Variants in SUGCT observed in about 807,000 individuals in gnomAD.
The protein encoded by SUGCT is succinyl-CoA:glutarate CoA-transferase.
SUGCT carries 41 observed loss-of-function variants against 55.0 expected under a neutral mutation model. That is an observed-to-expected ratio of 0.74 (90% CI 0.58 to 0.97). The LOEUF is 0.97. Among genes scored for constraint, SUGCT ranks in the 50% least tolerant of loss-of-function variants. SUGCT has a pLI of 0.00. For missense variants in SUGCT, 568 were observed against 547.8 expected, an observed-to-expected ratio of 1.04 and a Z score of -0.37; for synonymous variants, 187 against 200.4, an observed-to-expected ratio of 0.93 and a Z score of 0.56.
At chr7:40,363,830 C>A (rs548358141) in intron 9 of SUGCT, among the ~76,000 whole-genome samples, 1 of 151,926 alleles carries the variant, frequency 6.6e-6, no homozygotes, top group African/African-American at 2.4e-5. Context: ...CTATTAGGTC[C>A]GCTTGGTGCA....
At chr7:40,178,377 A>G (rs1785025285) in intron 1 of SUGCT, among the ~76,000 whole-genome samples, 1 of 152,116 alleles carries the variant, frequency 6.6e-6, no homozygotes, top group Admixed American at 6.5e-5. Context: ...GTAATTTTCT[A>G]AATTTCTAGA....
intron 12 of SUGCT, among the ~76,000 whole-genome samples, chr7:40,541,630 G>A (rs1237860768): frequency 1.3e-5 from 2 of 152,156 alleles, no homozygotes; most frequent in Non-Finnish European, 2.9e-5. Flanking sequence ...TAATATAAAT[G>A]AGAATGAATG....
At chr7:40,750,100 A>G (rs1015256626) in intron 13 of SUGCT, among the ~76,000 whole-genome samples, 8 of 152,182 alleles carry the variant, frequency 5.3e-5, no homozygotes, top group African/African-American at 1.9e-4. Flanking sequence ...GGGAGCTCTT[A>G]TTTCAGCAGC....
chr7:40,422,425 C>T (rs932832296), intron 9 of SUGCT, among the ~76,000 whole-genome samples: 2 of 152,122 alleles, frequency 1.3e-5, no homozygotes, highest in African/African-American at 2.4e-5. Context: ...TTTTCTTGGT[C>T]GTTTTACAAT....
the SUGCT span, among the ~76,000 whole-genome samples, chr7:40,970,731 G>A: frequency 2.0e-5 from 3 of 152,156 alleles, no homozygotes; most frequent in African/African-American, 7.2e-5. Flanking sequence ...CCTTCTTGGA[G>A]GATCTGAATC....
the SUGCT span, among the ~76,000 whole-genome samples, chr7:40,996,973 A>G: frequency 1.3e-5 from 2 of 152,194 alleles, no homozygotes; most frequent in East Asian, 3.9e-4. Context: ...AACTGAAGCG[A>G]AGGAGACAGG....
chr7:40,529,145 C>T (rs1793956218), intron 12 of SUGCT, among the ~76,000 whole-genome samples: 1 of 152,208 alleles, frequency 6.6e-6, no homozygotes, highest in Non-Finnish European at 1.5e-5. Flanking sequence ...AACAGTGTTA[C>T]TTCTCCATCC....
At chr7:40,812,493 T>G (rs1272359089) in intron 13 of SUGCT, among the ~76,000 whole-genome samples, 1 of 152,150 alleles carries the variant, frequency 6.6e-6, no homozygotes, top group African/African-American at 2.4e-5. Context: ...TCTCTAGTTT[T>G]TTTCTAGTTT....
chr7:40,797,030 G>A (rs1218459764), intron 13 of SUGCT, among the ~76,000 whole-genome samples: 1 of 152,152 alleles, frequency 6.6e-6, no homozygotes, highest in Admixed American at 6.6e-5. Context: ...GTGGGTCAGG[G>A]CAATTCTGAC....
At chr7:40,875,410 C>T in the SUGCT span, among the ~76,000 whole-genome samples, 1 of 152,192 alleles carries the variant, frequency 6.6e-6, no homozygotes, top group East Asian at 1.9e-4. Context: ...GTAAATGAAA[C>T]AGCACCCAGT....
chr7:40,537,959 C>T (rs1794458396), intron 12 of SUGCT, among the ~76,000 whole-genome samples: 1 of 152,082 alleles, frequency 6.6e-6, no homozygotes, highest in African/African-American at 2.4e-5. Flanking sequence ...TATCTGATTT[C>T]TGTGTTCTTT....
chr7:40,730,277 T>G (rs1171772620), intron 12 of SUGCT, among the ~76,000 whole-genome samples: 1 of 152,132 alleles, frequency 6.6e-6, no homozygotes, highest in Non-Finnish European at 1.5e-5. Context: ...CAGATAATTT[T>G]TGTATTTTTA....
At chr7:40,637,670 TCTAA>T (rs902988336) in intron 12 of SUGCT, among the ~76,000 whole-genome samples, 12 of 152,342 alleles carry the variant, frequency 7.9e-5, no homozygotes, top group African/African-American at 2.4e-4. Flanking sequence ...ATGTTTTGCT[TCTAA>T]CTGAGAACCT....
intron 12 of SUGCT, among the ~76,000 whole-genome samples, chr7:40,578,081 T>C (rs1464700453): frequency 6.6e-6 from 1 of 152,202 alleles, no homozygotes. Context: ...TCTCAAACCT[T>C]AGTTTACATC....
chr7:40,904,284 G>A, the SUGCT span, among the ~76,000 whole-genome samples: 1 of 152,168 alleles, frequency 6.6e-6, no homozygotes, highest in Non-Finnish European at 1.5e-5. Flanking sequence ...TCTAAATAGG[G>A]CAAATAAAGG....
At chr7:40,899,805 G>A in the SUGCT span, among the ~76,000 whole-genome samples, 3 of 152,130 alleles carry the variant, frequency 2.0e-5, no homozygotes, top group African/African-American at 7.2e-5. Flanking sequence ...GCAGGGTGAC[G>A]CAAAGCTGGA....
intron 6 of SUGCT, among the ~76,000 whole-genome samples, chr7:40,195,976 A>C (rs1786267129): frequency 6.6e-6 from 1 of 152,080 alleles, no homozygotes; most frequent in African/African-American, 2.4e-5. Flanking sequence ...GGTCTCCCAA[A>C]GTGCTGGGAT....
chr7:40,389,172 G>A (rs565121758), intron 9 of SUGCT, among the ~76,000 whole-genome samples: 8 of 152,248 alleles, frequency 5.3e-5, no homozygotes, highest in Non-Finnish European at 1.0e-4. Context: ...TACTGAGGCC[G>A]GATGGGATGG....
In SUGCT at chr7:40,530,311, C is replaced by T. The variant is rs561699078; in HGVS notation, c.1089+33925C>T. 5.3e-5 allele frequency among the ~76,000 whole-genome samples: 8 copies of T among 152,162 alleles called. No homozygotes were observed. The South Asian group carries it at 1.2e-3, about 24-fold the overall frequency. ...ACTGTTTAGAATCATTTTTTCCATG[C>T]CTTCACTGTTATTCTAAACATAATA... is the stretch of plus-strand genomic sequence containing the variant. On this transcript the variant is annotated intron_variant, in intron 12 of 13. Coordinates refer to ENST00000335693, the MANE Select transcript of SUGCT (RefSeq NM_001193313.2).
Sources: allele counts gnomAD v4.1 joint callset (sites outside exome capture counted in the v4.1 genomes callset), GRCh38; gene constraint gnomAD v4.1.1; transcripts MANE v1.5; gene names NCBI Gene and HGNC (gene_info 2026-07-23, HGNC 2026-07-21).